Variants in MITF observed in about 807,000 individuals in gnomAD.
The protein encoded by MITF is microphthalmia-associated transcription factor.
MITF carries 17 observed loss-of-function variants against 60.5 expected under a neutral mutation model. The ratio of observed to expected loss-of-function variants is 0.28; its 90% CI spans 0.19 to 0.42. MITF has a LOEUF of 0.42. MITF is among the 10% of genes least tolerant of loss of function. The pLI, the probability that MITF is intolerant of heterozygous loss-of-function variation, is 1.00. For missense variants in MITF, 622 were observed against 683.5 expected (o/e 0.91, Z 1.00); for synonymous variants, 260 against 248.5 (o/e 1.05, Z -0.43).
chr3:69,938,761 T>C, intron 3 of MITF: 7 of 1,320,948 alleles, frequency 5.3e-6, no homozygotes, highest in Non-Finnish European at 6.8e-6. Flanking sequence ...ATGATGAGCT[T>C]CATCTCAATG....
rs1051740099 is a variant in MITF at position 69,899,614 on chromosome 3, G to A, written c.354+20231G>A. 1.3e-5 allele frequency among the ~76,000 whole-genome samples: 2 copies of A among 152,120 alleles called. 1 individual carries two copies. The highest frequency in any genetic ancestry group is 1.3e-4 in the Admixed American group (2 of 15,270). Reference sequence around the variant, plus strand: ...TATCATTCCCTCTTCTGAGTGTGGAGTCATCTAAGCTCTTCAGAAAACCTC... The same window carrying A: ...TATCATTCCCTCTTCTGAGTGTGGAATCATCTAAGCTCTTCAGAAAACCTC... On this transcript the variant is annotated intron_variant, in intron 2 of 9. Coordinates refer to ENST00000352241, the MANE Select transcript of MITF (RefSeq NM_001354604.2).
chr3:69,752,128 G>A (rs533326764), intron 1 of MITF: 1 of 152,260 alleles, frequency 6.6e-6, no homozygotes, highest in South Asian at 2.1e-4. Context: ...TCAGCCCATG[G>A]AACCATGAGT....
chr3:69,900,429 G>A (rs1277029624), intron 2 of MITF, among the ~76,000 whole-genome samples: 1 of 152,112 alleles, frequency 6.6e-6, no homozygotes, highest in Non-Finnish European at 1.5e-5. Context: ...TAACATGTGT[G>A]GTACAATTAC....
At position 69,870,436 on chromosome 3, in the gene MITF, A is replaced by AT. The variant is rs1211789762; in HGVS notation, c.105-8697dup. Among the ~76,000 whole-genome samples, 283 of 144,748 alleles carry AT rather than the reference A, an allele frequency of 2.0e-3. 2 individuals carry two copies. The highest frequency in any genetic ancestry group is 7.0e-3 in the African/African-American group (269 of 38,510). The allele number at this position is 144,748 out of a possible 152,430, so 95.0% of individuals were successfully genotyped here. Reference sequence around the variant, plus strand: ...TATATATGTGTGTGTATATATATATATATATTTTTTTTTTTTTGAGACGGA... The same window carrying AT: ...TATATATGTGTGTGTATATATATATATTATATTTTTTTTTTTTTGAGACGGA... On this transcript the variant is annotated intron_variant, in intron 1 of 9. Coordinates refer to ENST00000352241, the MANE Select transcript of MITF (RefSeq NM_001354604.2).
intron 1 of MITF, among the ~76,000 whole-genome samples, chr3:69,801,221 A>G (rs2062914583): frequency 6.6e-6 from 1 of 152,178 alleles, no homozygotes; most frequent in Non-Finnish European, 1.5e-5. Context: ...TGGCTAAAAT[A>G]TCAGGACTAA....
rs2066732937 is a variant in MITF at position 69,968,040 on chromosome 3, C to T, written c.*2792C>T. 2 of 233,366 alleles carry T rather than the reference C, an allele frequency of 8.6e-6. No homozygotes were observed. The highest frequency in any genetic ancestry group is 1.7e-5 in the Non-Finnish European group (2 of 117,940). 14.5% of individuals were successfully genotyped at this position (233,366 alleles called of 1,614,324 possible). ...TAAAGCAATAAGAACAAATACAATA[C>T]ATAGGAAGTTAAAAGCACAAAGGAA... On this transcript the variant is annotated 3_prime_UTR_variant, in exon 10 of 10. Coordinates refer to ENST00000352241, the MANE Select transcript of MITF (RefSeq NM_001354604.2).
At chr3:69,799,116 A>G (rs955532833) in intron 1 of MITF, among the ~76,000 whole-genome samples, 2 of 152,202 alleles carry the variant, frequency 1.3e-5, no homozygotes, top group African/African-American at 4.8e-5. Context: ...AAATGAATGA[A>G]TGATTATGAT....
rs200580325 is a variant in MITF at position 69,951,805 on chromosome 3, T to A, written c.881-7T>A. The A allele has an allele frequency of 4.8e-4, 777 of 1,612,286 alleles. No individual in the cohort carries two copies. Among genetic ancestry groups the A allele is most frequent in the Non-Finnish European group, 6.2e-4 (733 of 1,178,654 alleles). On this transcript the variant is annotated splice_region_variant and splice_polypyrimidine_tract_variant and intron_variant, in intron 6 of 9. Transcript: ENST00000352241. ...CCAACTTCTAATGACTTCATTCACG[T>A]GCACAGCGTGTATTTTTCCCACAGA...
intron 1 of MITF, among the ~76,000 whole-genome samples, chr3:69,843,582 C>T (rs1255477104): frequency 6.6e-6 from 1 of 152,122 alleles, no homozygotes; most frequent in Non-Finnish European, 1.5e-5. Context: ...TTTATGAAGA[C>T]TCTTGGGTGA....
chr3:69,886,943 TATTTGC>T (rs2064633836), intron 2 of MITF, among the ~76,000 whole-genome samples: 1 of 152,132 alleles, frequency 6.6e-6, no homozygotes, highest in Admixed American at 6.5e-5. Context: ...TTTACTAATA[TATTTGC>T]ATTGTTTTAG....
At chr3:69,897,585 C>T (rs1053981940) in intron 2 of MITF, among the ~76,000 whole-genome samples, 9 of 152,112 alleles carry the variant, frequency 5.9e-5, no homozygotes, top group African/African-American at 1.7e-4. Flanking sequence ...ACTACAATGA[C>T]AGATTTAAGT....
chr3:69,849,884 GTC>G (rs1460061449), intron 1 of MITF, among the ~76,000 whole-genome samples: 2 of 152,072 alleles, frequency 1.3e-5, no homozygotes, highest in Admixed American at 1.3e-4. Context: ...TTACTCTGGG[GTC>G]TCTCCTTCGA....
intron 1 of MITF, among the ~76,000 whole-genome samples, chr3:69,798,036 A>C (rs749335616): frequency 6.6e-6 from 1 of 152,346 alleles, no homozygotes; most frequent in Middle Eastern, 3.4e-3. Flanking sequence ...TGTTGGCTTC[A>C]GTGGATCTGA....
intron 1 of MITF, among the ~76,000 whole-genome samples, chr3:69,835,220 G>C (rs1488129480): frequency 6.6e-6 from 1 of 151,928 alleles, no homozygotes; most frequent in Non-Finnish European, 1.5e-5. Context: ...GTGTTGCCAC[G>C]TTGCCGAGAC....
intron 1 of MITF, among the ~76,000 whole-genome samples, chr3:69,763,188 A>G (rs964806301): frequency 3.3e-5 from 5 of 152,190 alleles, no homozygotes; most frequent in African/African-American, 1.2e-4. Flanking sequence ...TATGAAGTTG[A>G]TAATTATTTT....
chr3:69,842,833 A>C (rs962598907), intron 1 of MITF, among the ~76,000 whole-genome samples: 1 of 152,144 alleles, frequency 6.6e-6, no homozygotes, highest in African/African-American at 2.4e-5. Flanking sequence ...TCACCACCCC[A>C]GGGGTTCCAC....
intron 1 of MITF, among the ~76,000 whole-genome samples, chr3:69,801,450 C>T (rs563256044): frequency 4.6e-5 from 7 of 152,294 alleles, no homozygotes; most frequent in Admixed American, 2.0e-4. Context: ...ACCATCATCA[C>T]CTAGAAATGC....
intron 1 of MITF, among the ~76,000 whole-genome samples, chr3:69,814,441 G>T (rs2063149405): frequency 6.6e-6 from 1 of 151,994 alleles, no homozygotes; most frequent in African/African-American, 2.4e-5. Flanking sequence ...CGATCCTCCT[G>T]CCTCATCCTC....
At position 69,765,097 on chromosome 3, in the gene MITF, G is replaced by A. The variant is rs1014303049; in HGVS notation, c.104+25396G>A. On this transcript the variant is annotated intron_variant, in intron 1 of 9. Transcript: ENST00000352241. Reference sequence around the variant, plus strand: ...GTGGTATTGATTGAACTGCAGTCCCGTGGAAACAGAAATAGAAAGGGTTCA... The same window carrying A: ...GTGGTATTGATTGAACTGCAGTCCCATGGAAACAGAAATAGAAAGGGTTCA... Among the ~76,000 whole-genome samples the A allele has an allele frequency of 2.0e-5, 3 of 152,144 alleles. No homozygotes were observed. The South Asian group carries it at 6.2e-4, about 32-fold the overall frequency.
Sources: gnomAD v4.1 joint callset for allele counts (sites outside exome capture counted in the v4.1 genomes callset) on GRCh38, gnomAD v4.1.1 for gene constraint, MANE v1.5 for transcripts, NCBI Gene and HGNC (gene_info 2026-07-23, HGNC 2026-07-21) for gene names.